ZNF148: variants seen among roughly 807,000 people sequenced by gnomAD.
ZNF148 encodes the protein Beta-Enolase Repressor Factor-1.
Under a neutral mutation model 67.7 loss-of-function variants are expected in ZNF148, and 7 were observed. That is an observed-to-expected ratio of 0.10 (90% CI 0.06 to 0.19). ZNF148 has a LOEUF of 0.19. ZNF148 is among the 10% of genes least tolerant of loss of function. The probability of loss-of-function intolerance (pLI) is 1.00; values close to 1 mark genes in which losing one functional copy is unlikely to be tolerated. For missense variants in ZNF148, 583 were observed against 947.1 expected (o/e 0.62, Z 5.05); for synonymous variants, 333 against 330.7 (o/e 1.01, Z -0.08).
At chr3:125,249,776 G>A (rs4679160) in intron 7 of ZNF148, among the ~76,000 whole-genome samples, 117,344 of 152,082 alleles carry the variant, frequency 0.77, 45,812 homozygotes, top group African/African-American at 0.85. Context: ...CAACCCAAGC[G>A]TCTGTCAATG....
In ZNF148 at chr3:125,279,254, CA is replaced by C. The variant is rs10665336; in HGVS notation, c.460-8del. On this transcript the variant is annotated splice_polypyrimidine_tract_variant and splice_region_variant and intron_variant, in intron 5 of 8. Coordinates refer to ENST00000360647, the MANE Select transcript of ZNF148 (RefSeq NM_021964.3). ...CCTCATTTATTGTAAGGATCTAGTT[CA>C]AAAAAAAAAAGGCAAAAACAAAAGA... 8,285 of 1,299,584 alleles carry C rather than the reference CA, an allele frequency of 6.4e-3. 35 individuals are homozygous for C. The highest frequency in any genetic ancestry group is 0.039 in the South Asian group (2,193 of 55,816). The allele number at this position is 1,299,584 out of a possible 1,614,324, so 80.5% of individuals were successfully genotyped here.
chr3:125,348,374 A>T (rs183493407), intron 1 of ZNF148, among the ~76,000 whole-genome samples: 1 of 150,638 alleles, frequency 6.6e-6, no homozygotes, highest in African/African-American at 2.4e-5. Context: ...CCAGCTACTC[A>T]GGAGGCTGAG....
At chr3:125,370,391 AGTGAACACTACTTTCTAT>A (rs1942840470) in intron 1 of ZNF148, among the ~76,000 whole-genome samples, 2 of 152,360 alleles carry the variant, frequency 1.3e-5, no homozygotes, top group Admixed American at 6.5e-5. Flanking sequence ...TATCACTAAC[AGTGAACACTACTTTCTAT>A]CAGTCATTCA....
At chr3:125,335,666 C>G (rs1941460626) in intron 1 of ZNF148, among the ~76,000 whole-genome samples, 1 of 152,156 alleles carries the variant, frequency 6.6e-6, no homozygotes, top group African/African-American at 2.4e-5. Context: ...TTCAGAAGTA[C>G]TCCTTCAGAA....
intron 7 of ZNF148, among the ~76,000 whole-genome samples, chr3:125,272,590 A>G (rs969199419): frequency 5.9e-5 from 9 of 151,466 alleles, no homozygotes; most frequent in Non-Finnish European, 1.2e-4. Flanking sequence ...AAATTTAAGT[A>G]TGGTTTAATA....
intron 1 of ZNF148, among the ~76,000 whole-genome samples, chr3:125,350,671 G>T (rs1434673664): frequency 6.6e-6 from 1 of 152,180 alleles, no homozygotes; most frequent in Admixed American, 6.5e-5. Context: ...GTTAAAAATA[G>T]GCTTCACGCT....
intron 4 of ZNF148, among the ~76,000 whole-genome samples, chr3:125,299,650 G>C (rs1404875862): frequency 2.0e-5 from 3 of 152,128 alleles, no homozygotes; most frequent in African/African-American, 7.2e-5. Context: ...ACCATGTTGG[G>C]TCAACTCCCT....
chr3:125,310,451 C>A (rs1264302554), intron 4 of ZNF148, among the ~76,000 whole-genome samples: 1 of 152,022 alleles, frequency 6.6e-6, no homozygotes, highest in African/African-American at 2.4e-5. Flanking sequence ...CTATCAAAAT[C>A]TATGCAATGT....
chr3:125,352,010 C>T (rs575699262), intron 1 of ZNF148, among the ~76,000 whole-genome samples: 2 of 151,932 alleles, frequency 1.3e-5, no homozygotes, highest in South Asian at 2.1e-4. Context: ...ACAGAGGTAC[C>T]ACATGACTCA....
chr3:125,239,201 G>A (rs774765908), intron 7 of ZNF148, among the ~76,000 whole-genome samples: 6 of 152,144 alleles, frequency 3.9e-5, no homozygotes, highest in Non-Finnish European at 4.4e-5. Context: ...GCACACTTAT[G>A]ATAAACTTCA....
At chr3:125,335,245 A>G (rs1378669859) in intron 1 of ZNF148, among the ~76,000 whole-genome samples, 1 of 152,196 alleles carries the variant, frequency 6.6e-6, no homozygotes, top group African/African-American at 2.4e-5. Flanking sequence ...TGCCTTACAC[A>G]TAAGAGACTC....
At chr3:125,289,460 GT>G (rs1938888302) in intron 4 of ZNF148, among the ~76,000 whole-genome samples, 1 of 152,158 alleles carries the variant, frequency 6.6e-6, no homozygotes, top group African/African-American at 2.4e-5. Flanking sequence ...ATTCTACCAA[GT>G]TACAGAAGGG....
chr3:125,235,012 G>C (rs6800532), intron 7 of ZNF148, among the ~76,000 whole-genome samples: 10,350 of 151,986 alleles, frequency 0.068, 1,169 homozygotes, highest in African/African-American at 0.24. Context: ...TGTGCCACTG[G>C]CCCCCGCAAT....
chr3:125,294,614 A>G (rs1026060454), intron 4 of ZNF148, among the ~76,000 whole-genome samples: 3 of 152,226 alleles, frequency 2.0e-5, no homozygotes, highest in African/African-American at 7.2e-5. Context: ...TTTATCAGAC[A>G]TTCACTACCA....
intron 7 of ZNF148, among the ~76,000 whole-genome samples, chr3:125,266,748 A>G (rs1009518860): frequency 3.3e-5 from 5 of 152,168 alleles, no homozygotes; most frequent in African/African-American, 1.2e-4. Context: ...CAAAAACCAT[A>G]CAAAGAATCA....
intron 7 of ZNF148, among the ~76,000 whole-genome samples, chr3:125,251,479 G>C (rs1936840113): frequency 6.6e-6 from 1 of 152,124 alleles, no homozygotes; most frequent in African/African-American, 2.4e-5. Context: ...TAAAGAAAGG[G>C]AACATTAGAC....
chr3:125,240,663 T>C (rs969722451), intron 7 of ZNF148, among the ~76,000 whole-genome samples: 8 of 150,482 alleles, frequency 5.3e-5, no homozygotes, highest in Non-Finnish European at 7.4e-5. Flanking sequence ...TACTCAGAGG[T>C]GCAGGCAGCA....
intron 1 of ZNF148, among the ~76,000 whole-genome samples, chr3:125,373,709 C>T (rs1205380476): frequency 6.6e-6 from 1 of 152,186 alleles, no homozygotes; most frequent in African/African-American, 2.4e-5. Context: ...TCAATGCCAT[C>T]ATGCCTGAAT....
chr3:125,275,840 T>C (rs1938030464), intron 7 of ZNF148, among the ~76,000 whole-genome samples: 1 of 152,196 alleles, frequency 6.6e-6, no homozygotes. Context: ...AAATATTTTT[T>C]TCAGATACAC....
Sources: gnomAD v4.1 joint callset for allele counts (sites outside exome capture counted in the v4.1 genomes callset) on GRCh38, gnomAD v4.1.1 for gene constraint, MANE v1.5 for transcripts, NCBI Gene and HGNC (gene_info 2026-07-23, HGNC 2026-07-21) for gene names.